Variants in SYNPO2 observed in about 807,000 individuals in gnomAD.
SYNPO2 encodes the protein synaptopodin 2.
In SYNPO2, 56 loss-of-function variants were observed where a neutral mutation model predicts 85.0. The observed-to-expected ratio is 0.66, with a 90% CI of 0.53 to 0.82. The LOEUF is 0.82. Ranked by LOEUF, SYNPO2 falls within the 40% of genes least tolerant of loss-of-function variation. SYNPO2 has a pLI of 0.00. For missense variants in SYNPO2, 1,575 were observed against 1,534.2 expected (o/e 1.03, Z -0.44); for synonymous variants, 602 against 591.1 (o/e 1.02, Z -0.27).
At chr4:118,907,694 T>C (rs1330865384) in intron 1 of SYNPO2, among the ~76,000 whole-genome samples, 1 of 152,214 alleles carries the variant, frequency 6.6e-6, no homozygotes, top group Non-Finnish European at 1.5e-5. Flanking sequence ...AAAATGGCTT[T>C]AATTTTTGAA....
intron 1 of SYNPO2, among the ~76,000 whole-genome samples, chr4:118,900,340 A>C (rs1393832603): frequency 1.3e-5 from 2 of 152,144 alleles, no homozygotes; most frequent in African/African-American, 4.8e-5. Context: ...AACGTCAACA[A>C]ATTTGGAACA....
At chr4:118,883,053 G>A (rs1732137155) in intron 1 of SYNPO2, among the ~76,000 whole-genome samples, 1 of 148,892 alleles carries the variant, frequency 6.7e-6, no homozygotes, top group Non-Finnish European at 1.5e-5. Context: ...GAGCCACCGC[G>A]CCCCGCCTGT....
In SYNPO2 at chr4:119,019,199, C is replaced by T. The variant is rs141322206; in HGVS notation, c.106-4231C>T. ...CTCTGTAACAAACCTTCACATGTAC[C>T]CCTAAACCTAAAATGAAAATTAGCA... On this transcript the variant is annotated intron_variant, in intron 1 of 4. Coordinates refer to ENST00000307142, the MANE Select transcript of SYNPO2 (RefSeq NM_133477.3). Among the ~76,000 whole-genome samples, 59 of 152,172 alleles carry T rather than the reference C, an allele frequency of 3.9e-4. 1 individual carries two copies. In the East Asian group the frequency reaches 0.011, roughly 28 times the overall value.
rs71595334 is a variant in SYNPO2 at position 118,933,829 on chromosome 4, G to GTTTT, written c.105+44702_105+44705dup. Among the ~76,000 whole-genome samples the GTTTT allele has an allele frequency of 0.012, 1,259 of 102,300 alleles. 70 individuals are homozygous for GTTTT. In the East Asian group the frequency reaches 0.13, roughly 11 times the overall value. The allele number at this position is 102,300 out of a possible 152,430, so 67.1% of individuals were successfully genotyped here. Reference sequence around the variant, plus strand: ...ATAGCTGCTTTTTGCTGTTGTTGTTGTTTTTTTTTTTTTTTTTGGACAGTA... The same window carrying GTTTT: ...ATAGCTGCTTTTTGCTGTTGTTGTTGTTTTTTTTTTTTTTTTTTTTTGGACAGTA... On this transcript the variant is annotated intron_variant, in intron 1 of 4. Coordinates refer to ENST00000307142, the MANE Select transcript of SYNPO2 (RefSeq NM_133477.3).
chr4:118,935,365 T>C (rs1734064983), intron 1 of SYNPO2, among the ~76,000 whole-genome samples: 1 of 152,230 alleles, frequency 6.6e-6, no homozygotes, highest in Admixed American at 6.5e-5. Context: ...ATCTCTCTAA[T>C]CTGTAATCAT....
rs796242049 is a variant in SYNPO2, at chr4:118,890,697, T to TTCTCTCTCTCTCTCTCTCTCTC, written c.105+1572_105+1593dup. Among the ~76,000 whole-genome samples, 653 of 81,726 alleles carry TTCTCTCTCTCTCTCTCTCTCTC rather than the reference T, an allele frequency of 8.0e-3. 29 individuals are homozygous for TTCTCTCTCTCTCTCTCTCTCTC. The highest frequency in any genetic ancestry group is 0.011 in the Non-Finnish European group (405 of 37,614). 53.6% of individuals were successfully genotyped at this position (81,726 alleles called of 152,430 possible). A position where few individuals can be genotyped will look rare whatever the true frequency, so the allele number is the denominator to read the frequency against. On this transcript the variant is annotated intron_variant, in intron 1 of 4. Coordinates refer to ENST00000307142, the MANE Select transcript of SYNPO2 (RefSeq NM_133477.3). ...CTCTCACCCTTCCTGTCTCATCGGT[T>TTCTCTCTCTCTCTCTCTCTCTC]TCTCTCTCTCTCTCTCTCTCTCTCT... is the stretch of plus-strand genomic sequence containing the variant.
intron 1 of SYNPO2, among the ~76,000 whole-genome samples, chr4:118,999,980 G>A (rs17050181): frequency 0.029 from 4,475 of 152,236 alleles, 206 homozygotes; most frequent in African/African-American, 0.1. Flanking sequence ...TTAGGGAAAG[G>A]CCCTTTAAAC....
intron 1 of SYNPO2, among the ~76,000 whole-genome samples, chr4:118,894,037 AT>A (rs1732463625): frequency 6.7e-6 from 1 of 150,294 alleles, no homozygotes; most frequent in Admixed American, 6.7e-5. Context: ...ATATATATAT[AT>A]ATGAATATAT....
chr4:118,878,939 T>G (rs1731985234), intron 1 of SYNPO2, among the ~76,000 whole-genome samples: 1 of 152,192 alleles, frequency 6.6e-6, no homozygotes, highest in African/African-American at 2.4e-5. Flanking sequence ...AGTTTTTGGG[T>G]CCGCACTACC....
intron 1 of SYNPO2, chr4:119,006,142 C>G (rs905943870): frequency 6.5e-6 from 1 of 153,186 alleles, no homozygotes; most frequent in Non-Finnish European, 1.5e-5. Context: ...ACAGATAAGC[C>G]TGAACATGAA....
intron 1 of SYNPO2, among the ~76,000 whole-genome samples, chr4:118,879,812 C>A (rs547773410): frequency 6.6e-6 from 1 of 152,058 alleles, no homozygotes; most frequent in Non-Finnish European, 1.5e-5. Flanking sequence ...TTGTGACATG[C>A]GTGTGGCTGA....
chr4:119,036,144 C>T (rs1291161040), intron 4 of SYNPO2: 4 of 985,278 alleles, frequency 4.1e-6, no homozygotes, highest in Non-Finnish European at 4.8e-6. Flanking sequence ...TTTGATGAGT[C>T]ACAACTGGCC....
At chr4:118,895,808 A>G (rs1732533414) in intron 1 of SYNPO2, among the ~76,000 whole-genome samples, 1 of 152,194 alleles carries the variant, frequency 6.6e-6, no homozygotes, top group Non-Finnish European at 1.5e-5. Context: ...CATATTTTTC[A>G]TAGCAATCTT....
At chr4:118,984,664 A>G (rs1225379690) in intron 1 of SYNPO2, among the ~76,000 whole-genome samples, 1 of 152,136 alleles carries the variant, frequency 6.6e-6, no homozygotes, top group East Asian at 1.9e-4. Flanking sequence ...GATGGCACCA[A>G]TTCCAAAGTA....
intron 1 of SYNPO2, among the ~76,000 whole-genome samples, chr4:118,901,996 A>G (rs904711291): frequency 1.3e-5 from 2 of 151,000 alleles, no homozygotes; most frequent in African/African-American, 2.4e-5. Flanking sequence ...CTAAAGGTAC[A>G]GGAGCCCTGA....
intron 1 of SYNPO2, among the ~76,000 whole-genome samples, chr4:118,859,854 T>C (rs1731579848): frequency 6.6e-6 from 1 of 152,238 alleles, no homozygotes; most frequent in Non-Finnish European, 1.5e-5. Flanking sequence ...ATTTTGGCTA[T>C]TGTGAATAGT....
intron 1 of SYNPO2, among the ~76,000 whole-genome samples, chr4:118,930,041 G>A (rs1459627476): frequency 6.6e-6 from 1 of 152,086 alleles, no homozygotes; most frequent in East Asian, 1.9e-4. Flanking sequence ...CTAAGAATTT[G>A]CAGATAATCT....
At chr4:119,034,374 T>TTA (rs1738411976) in intron 4 of SYNPO2, 4 of 975,174 alleles carry the variant, frequency 4.1e-6, no homozygotes, top group Non-Finnish European at 4.9e-6. Context: ...TCTAGTGGTG[T>TTA]GGTATGCAGG....
intron 1 of SYNPO2, among the ~76,000 whole-genome samples, chr4:118,955,409 A>G (rs921532474): frequency 3.1e-4 from 47 of 152,218 alleles, no homozygotes; most frequent in African/African-American, 1.1e-3. Flanking sequence ...CCACAATATT[A>G]TGTACTTAGA....
Sources: allele counts gnomAD v4.1 joint callset (sites outside exome capture counted in the v4.1 genomes callset), GRCh38; gene constraint gnomAD v4.1.1; transcripts MANE v1.5; gene names NCBI Gene and HGNC (gene_info 2026-07-23, HGNC 2026-07-21).